Variants in WNT16 observed in about 807,000 individuals in gnomAD.
The protein encoded by WNT16 is protein Wnt-16.
In WNT16, 20 loss-of-function variants were observed where a neutral mutation model predicts 35.4. The ratio of observed to expected loss-of-function variants is 0.56; its 90% CI spans 0.40 to 0.82. The LOEUF (loss-of-function observed/expected upper bound fraction) is 0.82. WNT16 is among the 40% of genes least tolerant of loss of function. WNT16 has a pLI of 0.00. For synonymous variants in WNT16, 180 were observed against 179.2 expected, an observed-to-expected ratio of 1.00 and a Z score of -0.03; for missense variants, 461 against 466.0, an observed-to-expected ratio of 0.99 and a Z score of 0.10.
At position 121,339,162 on chromosome 7, in the gene WNT16, A is replaced by G. The variant is rs750894625; in HGVS notation, c.915A>G (p.Thr305=). Residue 305 remains threonine (T), a synonymous_variant, in exon 4 of 4, where the codon ACA becomes ACG. Coordinates refer to ENST00000222462, the MANE Select transcript of WNT16 (RefSeq NM_057168.2). ...VEDKKLGIPG[T]QGRECNRTSE... ...ATAAGAAACTGGGAATCCCAGGGAC[A>G]CAAGGCAGAGAATGCAACCGTACAT... 5.0e-6 allele frequency: 8 copies of G among 1,614,232 alleles called. No individual in the cohort carries two copies. Among genetic ancestry groups the G allele is most frequent in the Middle Eastern group, 1.7e-4 (1 of 6,060 alleles).
At chr7:121,332,827 G>T (rs1254961600) in intron 3 of WNT16, among the ~76,000 whole-genome samples, 1 of 151,898 alleles carries the variant, frequency 6.6e-6, no homozygotes, top group African/African-American at 2.4e-5. Flanking sequence ...TACAGAGGTG[G>T]TACATTTGAA....
At chr7:121,330,896 T>C (rs1345938286) in intron 2 of WNT16, among the ~76,000 whole-genome samples, 2 of 152,052 alleles carry the variant, frequency 1.3e-5, no homozygotes, top group Non-Finnish European at 2.9e-5. Flanking sequence ...TTCTAGTCCA[T>C]GTTATTAATG....
At chr7:121,330,590 G>C (rs1793327063) in intron 2 of WNT16, among the ~76,000 whole-genome samples, 1 of 151,822 alleles carries the variant, frequency 6.6e-6, no homozygotes, top group Non-Finnish European at 1.5e-5. Flanking sequence ...GTTCATTTCC[G>C]TTCCCCCTCC....
Position 121,329,737 on chromosome 7 carries a change from G to A in WNT16, c.266G>A (p.Arg89Lys), listed in dbSNP as rs1025795788. The A allele has an allele frequency of 1.9e-6, 3 of 1,611,628 alleles. No homozygotes were observed. ...QECGSQFRHE[R>K]WNCMITAAAT... Reference sequence around the variant, plus strand: ...TGCGGGAGCCAGTTCAGACACGAGAGATGGAACTGCATGATCACCGCCGCC... The same window carrying A: ...TGCGGGAGCCAGTTCAGACACGAGAAATGGAACTGCATGATCACCGCCGCC... The change falls in exon 2 of 4, where the codon AGA becomes AAA. Residue 89 changes from arginine (R) to lysine (K), a missense_variant. Coordinates refer to ENST00000222462, the MANE Select transcript of WNT16 (RefSeq NM_057168.2).
Position 121,331,747 on chromosome 7 carries a change from G to A in WNT16, c.416G>A (p.Cys139Tyr), listed in dbSNP as rs1028261072. Residue 139 changes from cysteine to tyrosine, a missense_variant, in exon 3 of 4, where the codon TGC (cysteine) becomes TAC (tyrosine). Coordinates refer to ENST00000222462, the MANE Select transcript of WNT16 (RefSeq NM_057168.2). ...AGLVHSVTRS[C>Y]SAGNMTECSC... Reference sequence around the variant, plus strand: ...CTGGTGCATTCTGTGACCAGGTCATGCAGTGCAGGCAACATGACAGAGTGT... The same window carrying A: ...CTGGTGCATTCTGTGACCAGGTCATACAGTGCAGGCAACATGACAGAGTGT... 6.2e-7 allele frequency: 1 copy of A among 1,614,100 alleles called. No homozygotes were observed. Among genetic ancestry groups the A allele is most frequent in the Non-Finnish European group, 8.5e-7 (1 of 1,180,040 alleles).
intron 3 of WNT16, among the ~76,000 whole-genome samples, chr7:121,337,315 ATTAT>A (rs1430005965): frequency 6.6e-6 from 1 of 152,240 alleles, no homozygotes; most frequent in Non-Finnish European, 1.5e-5. Flanking sequence ...TGCAAATGTT[ATTAT>A]TTGTGTGCAA....
chr7:121,338,671 C>A (rs1253780648), intron 3 of WNT16, among the ~76,000 whole-genome samples: 1 of 152,144 alleles, frequency 6.6e-6, no homozygotes, highest in Non-Finnish European at 1.5e-5. Flanking sequence ...TCTGAAGGGT[C>A]AAGAAATTTG....
At chr7:121,334,345 A>T (rs559868452) in intron 3 of WNT16, among the ~76,000 whole-genome samples, 1 of 152,050 alleles carries the variant, frequency 6.6e-6, no homozygotes, top group Admixed American at 6.6e-5. Context: ...TTTTCTCTTG[A>T]GGTATTATAA....
Position 121,329,063 on chromosome 7 carries a change from T to A in WNT16, c.-230T>A. ...CGCATCTCCTGCACATCTCCACCCCTGCGCAGGAGGAGATCCCCAGGCTGC... is the reference window on the plus strand; with the variant it reads ...CGCATCTCCTGCACATCTCCACCCCAGCGCAGGAGGAGATCCCCAGGCTGC... On this transcript the variant is annotated 5_prime_UTR_variant, in exon 1 of 4. Coordinates refer to ENST00000222462, the MANE Select transcript of WNT16 (RefSeq NM_057168.2). 7.9e-7 allele frequency: 1 copy of A among 1,271,924 alleles called. No homozygotes were observed. The highest frequency in any genetic ancestry group is 9.9e-7 in the Non-Finnish European group (1 of 1,009,212). 78.8% of individuals were successfully genotyped at this position (1,271,924 alleles called of 1,614,324 possible).
chr7:121,329,589 G>A lies in WNT16; in HGVS notation c.118G>A (p.Gly40Arg). The change falls in exon 2 of 4, where the codon GGG becomes AGG. Residue 40 changes from glycine to arginine, a missense_variant. Coordinates refer to ENST00000222462, the MANE Select transcript of WNT16 (RefSeq NM_057168.2). ...NWMWLGIASF[G>R]VPEKLGCANL... is the part of the protein sequence containing the mutation. ...CAGGTGGTTGGGCATTGCCTCCTTC[G>A]GGGTTCCAGAGAAGCTGGGCTGCGC... The A allele has an allele frequency of 6.2e-7, 1 of 1,614,202 alleles. No individual in the cohort carries two copies. The highest frequency in any genetic ancestry group is 8.5e-7 in the Non-Finnish European group (1 of 1,180,030).
intron 3 of WNT16, among the ~76,000 whole-genome samples, chr7:121,334,111 T>C (rs1050539857): frequency 6.6e-6 from 1 of 152,084 alleles, no homozygotes; most frequent in Non-Finnish European, 1.5e-5. Flanking sequence ...TTTCTAACAT[T>C]ACCTAGGTTC....
At chr7:121,328,959 A>T (rs1055239199), upstream of WNT16, 4 of 979,980 alleles carry the variant, frequency 4.1e-6, no homozygotes, top group Non-Finnish European at 5.0e-6. Flanking sequence ...GGGGGAGGAG[A>T]TGGGAGGAGA....
Position 121,329,367 on chromosome 7 carries a change from C to A in WNT16, c.75C>A (p.Tyr25Ter), listed in dbSNP as rs200254664. The part of the protein sequence containing the change: ...LWAALLVLFP[Y>*]GAQGNWMWLG... Reference sequence around the variant, plus strand: ...CAGCCCTGCTCGTGCTGTTCCCCTACGGAGCCCAAGGAAACTGGATGTGAG... The same window carrying A: ...CAGCCCTGCTCGTGCTGTTCCCCTAAGGAGCCCAAGGAAACTGGATGTGAG... Residue 25 changes from tyrosine to a stop codon, truncating the protein, a stop_gained, in exon 1 of 4, where the codon TAC (tyrosine) becomes TAA (stop). Coordinates refer to ENST00000222462, the MANE Select transcript of WNT16 (RefSeq NM_057168.2). LOFTEE classifies it high-confidence loss of function. The A allele has an allele frequency of 2.5e-6, 4 of 1,610,548 alleles. No individual in the cohort carries two copies. Among genetic ancestry groups the A allele is most frequent in the Non-Finnish European group, 3.4e-6 (4 of 1,178,304 alleles).
At chr7:121,325,478 A>C, upstream of WNT16, 1 of 1,612,926 alleles carries the variant, frequency 6.2e-7, no homozygotes, top group South Asian at 1.1e-5. Flanking sequence ...AGACCTCCCT[A>C]TGGTGGGTTT....
chr7:121,330,596 C>T (rs2116832917), intron 2 of WNT16, among the ~76,000 whole-genome samples: 1 of 152,088 alleles, frequency 6.6e-6, no homozygotes, highest in East Asian at 1.9e-4. Context: ...TTCCGTTCCC[C>T]CTCCGCCTTT....
intron 3 of WNT16, among the ~76,000 whole-genome samples, chr7:121,334,224 G>T (rs765720367): frequency 2.2e-4 from 33 of 151,490 alleles, no homozygotes; most frequent in Non-Finnish European, 4.7e-4. Flanking sequence ...TTTTCACATT[G>T]TTCATTTTTG....
chr7:121,337,029 G>T (rs574497061), intron 3 of WNT16, among the ~76,000 whole-genome samples: 1 of 152,256 alleles, frequency 6.6e-6, no homozygotes, highest in South Asian at 2.1e-4. Context: ...TTTGAACAAA[G>T]TAGGCAGATC....
At chr7:121,329,945 T>C in intron 2 of WNT16, 128 bp downstream of exon 2, 3 of 1,385,508 alleles carry the variant, frequency 2.2e-6, no homozygotes, top group Non-Finnish European at 2.9e-6. Context: ...AGCCCTTTAG[T>C]GCACGGGGAT....
At chr7:121,334,366 T>G (rs908195850) in intron 3 of WNT16, among the ~76,000 whole-genome samples, 22 of 152,026 alleles carry the variant, frequency 1.4e-4, no homozygotes, top group African/African-American at 5.3e-4. Flanking sequence ...TTCAACAGAG[T>G]TTTGTATTTT....
Sources: allele counts gnomAD v4.1 joint callset (sites outside exome capture counted in the v4.1 genomes callset), GRCh38; gene constraint gnomAD v4.1.1; transcripts MANE v1.5; gene names NCBI Gene and HGNC (gene_info 2026-07-23, HGNC 2026-07-21).